TCF4: variants seen among roughly 807,000 people sequenced by gnomAD.
The protein encoded by TCF4 is transcription factor 4, also known as SL3-3 enhancer factor 2.
A neutral mutation model predicts 82.1 loss-of-function variants in TCF4; 3 were observed. The observed-to-expected ratio is 0.04, with a 90% CI of 0.02 to 0.09. The LOEUF is 0.09. Among genes scored for constraint, TCF4 ranks in the 10% least tolerant of loss-of-function variants. The pLI, the probability that TCF4 is intolerant of heterozygous loss-of-function variation, is 1.00. For missense variants in TCF4, 518 were observed against 852.7 expected (o/e 0.61, Z 4.89); for synonymous variants, 276 against 309.6 (o/e 0.89, Z 1.14).
At chr18:55,624,838 C>T (rs996337080) in intron 2 of TCF4, among the ~76,000 whole-genome samples, 7 of 152,262 alleles carry the variant, frequency 4.6e-5, no homozygotes, top group African/African-American at 1.2e-4. Flanking sequence ...AGGTATTAAT[C>T]GTACCATTTT....
intron 2 of TCF4, among the ~76,000 whole-genome samples, chr18:55,615,971 G>T (rs1454191374): frequency 1.3e-5 from 2 of 151,748 alleles, no homozygotes; most frequent in Non-Finnish European, 2.9e-5. Context: ...TTTTTTTATT[G>T]TGTTAAGAAA....
chr18:55,424,799 A>C (rs1194119426), intron 5 of TCF4, among the ~76,000 whole-genome samples: 1 of 152,226 alleles, frequency 6.6e-6, no homozygotes, highest in Non-Finnish European at 1.5e-5. Flanking sequence ...TATTATAAAG[A>C]ATCAACTATA....
chr18:55,274,270 A>G (rs2061009358), intron 10 of TCF4, among the ~76,000 whole-genome samples: 1 of 152,194 alleles, frequency 6.6e-6, no homozygotes, highest in Non-Finnish European at 1.5e-5. Context: ...AAATTTGAAA[A>G]TAAGTCATCT....
At chr18:55,552,199 C>T (rs2097266019) in intron 3 of TCF4, among the ~76,000 whole-genome samples, 1 of 152,084 alleles carries the variant, frequency 6.6e-6, no homozygotes, top group African/African-American at 2.4e-5. Flanking sequence ...CTAGTTCATG[C>T]CTATCTCTTT....
chr18:55,319,643 G>C (rs1259580139), intron 8 of TCF4, among the ~76,000 whole-genome samples: 1 of 150,568 alleles, frequency 6.6e-6, no homozygotes, highest in African/African-American at 2.4e-5. Context: ...CATTTCCTGT[G>C]ACAGAGCGAT....
intron 3 of TCF4, among the ~76,000 whole-genome samples, chr18:55,566,624 C>T (rs952203632): frequency 1.3e-5 from 2 of 151,920 alleles, no homozygotes; most frequent in Admixed American, 6.6e-5. Flanking sequence ...TTAGATAACA[C>T]GTTAGAGAAA....
At chr18:55,466,289 A>T (rs1186377691) in intron 3 of TCF4, among the ~76,000 whole-genome samples, 1 of 152,160 alleles carries the variant, frequency 6.6e-6, no homozygotes, top group Non-Finnish European at 1.5e-5. Context: ...TGAGGCCAGG[A>T]GTTTGAGACC....
At chr18:55,619,976 A>T (rs1336603027) in intron 2 of TCF4, among the ~76,000 whole-genome samples, 1 of 152,142 alleles carries the variant, frequency 6.6e-6, no homozygotes, top group African/African-American at 2.4e-5. Flanking sequence ...CAAGGGAGAG[A>T]CCAGGTGAAA....
rs952702293 is a variant in TCF4 at position 55,261,316 on chromosome 18, T to G, written c.990+150A>C. ...CTGGAAGCTTCAGAGCCTTCTCAAA[T>G]TTTCCAGTGACTGTTATGCAAGAAA... On this transcript the variant is annotated intron_variant, in intron 12 of 19. Transcript: ENST00000354452. 7 of 939,950 alleles carry G rather than the reference T, an allele frequency of 7.4e-6. No homozygotes were observed. In the African/African-American group the frequency reaches 1.1e-4, roughly 15 times the overall value. 58.2% of individuals were successfully genotyped at this position (939,950 alleles called of 1,614,324 possible).
intron 3 of TCF4, among the ~76,000 whole-genome samples, chr18:55,568,633 CT>C (rs926988121): frequency 7.2e-5 from 11 of 152,104 alleles, no homozygotes; most frequent in Admixed American, 2.6e-4. Context: ...GGCTTAAAAT[CT>C]TCTTATACTA....
At chr18:55,500,885 C>A (rs2096691243) in intron 3 of TCF4, among the ~76,000 whole-genome samples, 1 of 152,116 alleles carries the variant, frequency 6.6e-6, no homozygotes, top group African/African-American at 2.4e-5. Flanking sequence ...AACCTTCTTG[C>A]TGATAAATTC....
chr18:55,457,645 C>T (rs1366144120), intron 5 of TCF4, among the ~76,000 whole-genome samples: 1 of 152,160 alleles, frequency 6.6e-6, no homozygotes, highest in African/African-American at 2.4e-5. Context: ...GCCACCACGC[C>T]TGGCTAAGTT....
intron 3 of TCF4, among the ~76,000 whole-genome samples, chr18:55,528,127 G>C (rs1052537154): frequency 4.6e-5 from 7 of 152,154 alleles, no homozygotes; most frequent in Non-Finnish European, 1.0e-4. Flanking sequence ...ATCTGTCATA[G>C]AAGACTGCTA....
chr18:55,387,861 T>C (rs1171899611), intron 6 of TCF4, among the ~76,000 whole-genome samples: 1 of 152,188 alleles, frequency 6.6e-6, no homozygotes, highest in Non-Finnish European at 1.5e-5. Flanking sequence ...CCTTTTGCTC[T>C]TTGGAAGAAA....
intron 1 of TCF4, among the ~76,000 whole-genome samples, chr18:55,632,243 T>A (rs770861949): frequency 2.6e-5 from 4 of 152,166 alleles, no homozygotes; most frequent in Non-Finnish European, 4.4e-5. Context: ...TTTCACCATG[T>A]TAGCCAGGAC....
chr18:55,558,178 C>A (rs950094842), intron 3 of TCF4, among the ~76,000 whole-genome samples: 66 of 152,210 alleles, frequency 4.3e-4, no homozygotes, highest in African/African-American at 1.5e-3. Context: ...TACTACTGTA[C>A]TCCAGTCTGG....
intron 6 of TCF4, among the ~76,000 whole-genome samples, chr18:55,387,032 G>A (rs1236926080): frequency 1.3e-5 from 2 of 152,232 alleles, no homozygotes; most frequent in African/African-American, 4.8e-5. Context: ...TAGAGAGGAG[G>A]AAGTTATTAT....
At chr18:55,366,639 C>T (rs569222912) in intron 6 of TCF4, among the ~76,000 whole-genome samples, 2 of 152,316 alleles carry the variant, frequency 1.3e-5, no homozygotes, top group East Asian at 1.9e-4. Flanking sequence ...ACCTATTTCA[C>T]GAAAAAGTGT....
intron 8 of TCF4, among the ~76,000 whole-genome samples, chr18:55,350,057 T>C (rs1226506618): frequency 2.6e-5 from 4 of 152,146 alleles, no homozygotes; most frequent in Non-Finnish European, 5.9e-5. Context: ...ATGAAACTAA[T>C]ACTCATTCTC....
Sources: gnomAD v4.1 joint callset for allele counts (sites outside exome capture counted in the v4.1 genomes callset) on GRCh38, gnomAD v4.1.1 for gene constraint, MANE v1.5 for transcripts, NCBI Gene and HGNC (gene_info 2026-07-23, HGNC 2026-07-21) for gene names.